Variants in ATP10A observed in about 807,000 individuals in gnomAD.
The protein encoded by ATP10A is phospholipid-transporting ATPase VA.
ATP10A carries 111 observed loss-of-function variants against 147.8 expected under a neutral mutation model. That is an observed-to-expected ratio of 0.75 (90% CI 0.64 to 0.88). The LOEUF (loss-of-function observed/expected upper bound fraction) is 0.88. Among genes scored for constraint, ATP10A ranks in the 40% least tolerant of loss-of-function variants. ATP10A has a pLI of 0.00. For synonymous variants in ATP10A, 875 were observed against 841.6 expected, an observed-to-expected ratio of 1.04 and a Z score of -0.69; for missense variants, 1,927 against 1,959.0, an observed-to-expected ratio of 0.98 and a Z score of 0.31.
chr15:25,821,985 T>A (rs1891911994), intron 1 of ATP10A, among the ~76,000 whole-genome samples: 1 of 152,172 alleles, frequency 6.6e-6, no homozygotes, highest in African/African-American at 2.4e-5. Flanking sequence ...GAGTCCCCCA[T>A]ACCAAAATTC....
intron 1 of ATP10A, among the ~76,000 whole-genome samples, chr15:25,855,264 A>G (rs150828017): frequency 6.6e-6 from 1 of 152,250 alleles, no homozygotes; most frequent in African/African-American, 2.4e-5. Context: ...AGCAAAATAT[A>G]ACAATGGATT....
intron 1 of ATP10A, among the ~76,000 whole-genome samples, chr15:25,830,143 G>A (rs931823854): frequency 1.3e-5 from 2 of 152,270 alleles, no homozygotes; most frequent in Admixed American, 1.3e-4. Flanking sequence ...ACGGAGAGGA[G>A]GAGGCCTGGT....
rs900591141 is a variant in ATP10A at position 25,685,320 on chromosome 15, C to T, written c.3292-1834G>A. Among the ~76,000 whole-genome samples the T allele has an allele frequency of 9.2e-5, 14 of 152,244 alleles. 2 individuals are homozygous for T. The highest frequency in any genetic ancestry group is 7.2e-4 in the Admixed American group (11 of 15,294). ...GGCATTTTTATGGAATAAAAACAGG[C>T]GTCCTCTTCTCCTTTCTGCACCCTT... On this transcript the variant is annotated intron_variant, in intron 16 of 20. Transcript: ENST00000555815.
At chr15:25,839,229 G>A (rs945071292) in intron 1 of ATP10A, among the ~76,000 whole-genome samples, 4 of 152,130 alleles carry the variant, frequency 2.6e-5, no homozygotes, top group African/African-American at 4.8e-5. Context: ...GTGCGTCGGC[G>A]CATCCCTGCC....
At chr15:25,749,057 T>G in intron 2 of ATP10A, among the ~76,000 whole-genome samples, 1 of 108,852 alleles carries the variant, frequency 9.2e-6, no homozygotes, top group Admixed American at 1.2e-4. Flanking sequence ...AGTGAGACTC[T>G]GTCAAAAAAA....
chr15:25,702,239 G>A, intron 12 of ATP10A, 139 bp from the exon 13 acceptor site: 2 of 844,100 alleles, frequency 2.4e-6, no homozygotes, highest in South Asian at 3.7e-5. Flanking sequence ...GCCAGGGGCT[G>A]GGCTGCCAGT....
intron 1 of ATP10A, among the ~76,000 whole-genome samples, chr15:25,837,021 T>TA (rs1302663454): frequency 6.6e-6 from 1 of 152,152 alleles, no homozygotes; most frequent in Non-Finnish European, 1.5e-5. Context: ...GTGAAATACA[T>TA]AGAGAAATGA....
chr15:25,780,556 C>T (rs569748482), intron 2 of ATP10A, among the ~76,000 whole-genome samples: 9 of 152,292 alleles, frequency 5.9e-5, no homozygotes, highest in South Asian at 4.1e-4. Flanking sequence ...CCCTGCTGCA[C>T]GGTGGCCAGG....
intron 2 of ATP10A, among the ~76,000 whole-genome samples, chr15:25,756,727 T>C (rs974709903): frequency 6.6e-6 from 1 of 152,232 alleles, no homozygotes; most frequent in Admixed American, 6.5e-5. Flanking sequence ...ACAACTCAAA[T>C]GACTTTTGAT....
intron 1 of ATP10A, among the ~76,000 whole-genome samples, chr15:25,845,208 A>G (rs1892962829): frequency 6.6e-6 from 1 of 152,212 alleles, no homozygotes; most frequent in Non-Finnish European, 1.5e-5. Context: ...GGGCACGCAC[A>G]AGGGACACAG....
At chr15:25,735,882 G>C (rs868415121) in intron 3 of ATP10A, among the ~76,000 whole-genome samples, 174 bp downstream of exon 3, 24 of 152,132 alleles carry the variant, frequency 1.6e-4, no homozygotes, top group African/African-American at 5.8e-4. Flanking sequence ...ACTGACAACA[G>C]GCTCTTACTT....
At chr15:25,773,259 C>A (rs750563868) in intron 2 of ATP10A, among the ~76,000 whole-genome samples, 2 of 152,138 alleles carry the variant, frequency 1.3e-5, no homozygotes, top group Non-Finnish European at 2.9e-5. Context: ...ACTTGAGGAG[C>A]ACTCGCAAAC....
intron 1 of ATP10A, chr15:25,861,888 C>T (rs545874155): frequency 5.6e-6 from 1 of 177,636 alleles, no homozygotes; most frequent in African/African-American, 2.4e-5. Flanking sequence ...GATGAAAAGG[C>T]CGCAGGCCTC....
chr15:25,693,979 G>C (rs1254643552), intron 14 of ATP10A, among the ~76,000 whole-genome samples: 1 of 152,052 alleles, frequency 6.6e-6, no homozygotes, highest in East Asian at 1.9e-4. Flanking sequence ...CTTGATTTCT[G>C]ATCCAGTTCT....
intron 1 of ATP10A, among the ~76,000 whole-genome samples, chr15:25,832,613 C>T (rs1462099726): frequency 2.7e-5 from 4 of 149,460 alleles, no homozygotes; most frequent in East Asian, 2.0e-4. Context: ...ACTCTGCTTT[C>T]GTGCGCTATA....
chr15:25,736,724 G>C (rs1034853711), intron 2 of ATP10A, among the ~76,000 whole-genome samples: 1 of 152,094 alleles, frequency 6.6e-6, no homozygotes, highest in Non-Finnish European at 1.5e-5. Flanking sequence ...AACAGAGCCT[G>C]GCTCATAAGA....
rs748985625 is a variant in ATP10A, at chr15:25,714,016, T to C, written c.2002A>G (p.Asn668Asp). The change falls in exon 10 of 21, where the codon AAC becomes GAC. Residue 668 changes from asparagine to aspartate, a missense_variant. Coordinates refer to ENST00000555815, the MANE Select transcript of ATP10A (RefSeq NM_024490.4). ...LGQPTSAIAS[N>D]GYSSQADNWA... ...TTGTCCGCCTGGCTGCTGTAGCCGT[T>C]GCTGGCGATGGCCGAGGTGGGCTGG... The C allele has an allele frequency of 6.2e-7, 1 of 1,610,600 alleles. No individual in the cohort carries two copies. Among genetic ancestry groups the C allele is most frequent in the Non-Finnish European group, 8.5e-7 (1 of 1,179,898 alleles).
rs537276164 is a variant in ATP10A, at chr15:25,712,154, G to A, written c.2344+1520C>T. Among the ~76,000 whole-genome samples the A allele has an allele frequency of 1.5e-4, 23 of 152,324 alleles. No individual in the cohort carries two copies. In the East Asian group the frequency reaches 3.1e-3, roughly 20 times the overall value. On this transcript the variant is annotated intron_variant, in intron 10 of 20. Transcript: ENST00000555815. ...TCAATTGAAAGGCATCCAGTTTTCT[G>A]GGTTATCCTTGGTAATTTTTTGGGG... is the stretch of plus-strand genomic sequence containing the variant.
intron 3 of ATP10A, among the ~76,000 whole-genome samples, chr15:25,735,020 G>GGGGGGGGGAA (rs1887191238): frequency 8.2e-6 from 1 of 121,330 alleles, no homozygotes; most frequent in African/African-American, 3.0e-5. Flanking sequence ...GGGGTGGGGG[G>GGGGGGGGGAA]GTGGGGGAAG....
Sources: gnomAD v4.1 joint callset for allele counts (sites outside exome capture counted in the v4.1 genomes callset) on GRCh38, gnomAD v4.1.1 for gene constraint, MANE v1.5 for transcripts, NCBI Gene and HGNC (gene_info 2026-07-23, HGNC 2026-07-21) for gene names.